NUP153: variants seen among roughly 807,000 people sequenced by gnomAD.
NUP153 encodes nuclear pore complex protein Nup153.
NUP153 carries 27 observed loss-of-function variants against 134.6 expected under a neutral mutation model. The ratio of observed to expected loss-of-function variants is 0.20; its 90% CI spans 0.15 to 0.28. The LOEUF is 0.28. NUP153 is among the 10% of genes least tolerant of loss of function. The pLI is 1.00. For missense variants in NUP153, 1,821 were observed against 1,731.3 expected (o/e 1.05, Z -0.92); for synonymous variants, 640 against 623.5 (o/e 1.03, Z -0.40).
At chr6:17,682,800 C>T (rs71556131) in intron 2 of NUP153, among the ~76,000 whole-genome samples, 10,948 of 151,992 alleles carry the variant, frequency 0.072, 485 homozygotes, top group Admixed American at 0.11. Context: ...TGCCTGTAGT[C>T]CCAGCTACTC....
intron 20 of NUP153, among the ~76,000 whole-genome samples, chr6:17,617,441 T>C (rs1328760948): frequency 7.5e-6 from 1 of 133,116 alleles, no homozygotes; most frequent in Admixed American, 8.7e-5. Flanking sequence ...CAGATACCTA[T>C]GGAAGTGAGG....
At chr6:17,653,440 CTAAA>C (rs916315097) in intron 11 of NUP153, among the ~76,000 whole-genome samples, 4 of 152,086 alleles carry the variant, frequency 2.6e-5, no homozygotes, top group Admixed American at 2.0e-4. Flanking sequence ...AGGATACAAA[CTAAA>C]TAAAATGTTC....
chr6:17,662,260 T>G (rs1411865858), intron 9 of NUP153, among the ~76,000 whole-genome samples, 190 bp from the exon 10 acceptor site: 2 of 152,166 alleles, frequency 1.3e-5, no homozygotes, highest in African/African-American at 4.8e-5. Flanking sequence ...ATTATATATA[T>G]GAAAAATGTC....
Position 17,700,462 on chromosome 6 carries a change from C to T in NUP153, c.111+5815G>A, listed in dbSNP as rs190837880. ...CAACTATCCTATCAACTATCCAATC[C>T]TATCAATGTTTCCATTTCTATTCCC... On this transcript the variant is annotated intron_variant, in intron 1 of 21. Transcript: ENST00000262077. 2.5e-3 allele frequency among the ~76,000 whole-genome samples: 382 copies of T among 152,326 alleles called. 4 individuals carry two copies. The highest frequency in any genetic ancestry group is 8.4e-3 in the African/African-American group (350 of 41,574).
chr6:17,640,435 C>A (rs1197795038), intron 14 of NUP153, among the ~76,000 whole-genome samples: 1 of 151,906 alleles, frequency 6.6e-6, no homozygotes, highest in East Asian at 1.9e-4. Flanking sequence ...CAAAACTAAT[C>A]AAAAAAAGTA....
intron 2 of NUP153, among the ~76,000 whole-genome samples, chr6:17,678,351 T>TC (rs1561898337): frequency 4.9e-5 from 2 of 40,734 alleles, no homozygotes; most frequent in African/African-American, 1.9e-4. Context: ...ACCCTCTGTC[T>TC]CAAAAAAAAA....
chr6:17,669,885 A>C (rs1767788097), intron 5 of NUP153, among the ~76,000 whole-genome samples: 2 of 152,018 alleles, frequency 1.3e-5, no homozygotes, highest in Non-Finnish European at 2.9e-5. Context: ...GCCTGAGCTC[A>C]GGAGTTCAAG....
intron 1 of NUP153, among the ~76,000 whole-genome samples, chr6:17,702,544 C>T (rs921230257): frequency 8.0e-5 from 12 of 149,868 alleles, no homozygotes; most frequent in Admixed American, 2.0e-4. Context: ...TTTGTGGTGG[C>T]GCATGCCTGT....
At chr6:17,619,217 A>G (rs556327681) in intron 20 of NUP153, among the ~76,000 whole-genome samples, 2 of 152,226 alleles carry the variant, frequency 1.3e-5, no homozygotes, top group African/African-American at 4.8e-5. Flanking sequence ...AATTATAAAA[A>G]TGATTTCCAA....
chr6:17,700,641 T>C (rs1190166905), intron 1 of NUP153, among the ~76,000 whole-genome samples: 1 of 152,220 alleles, frequency 6.6e-6, no homozygotes, highest in Non-Finnish European at 1.5e-5. Context: ...AGGCAGGACA[T>C]ACTTATTTGG....
Position 17,697,531 on chromosome 6 carries a change from G to C in NUP153, c.111+8746C>G, listed in dbSNP as rs569065052. Among the ~76,000 whole-genome samples, 36 of 152,198 alleles carry C rather than the reference G, an allele frequency of 2.4e-4. 1 individual carries two copies. The South Asian group carries it at 7.5e-3, about 32-fold the overall frequency. On this transcript the variant is annotated intron_variant, in intron 1 of 21. Coordinates refer to ENST00000262077, the MANE Select transcript of NUP153 (RefSeq NM_005124.4). ...CGAAACCCTGTCTCCATTAAAAAATGCAAAAATTAGCCAGGCGTGGTGGCA... is the reference window on the plus strand; with the variant it reads ...CGAAACCCTGTCTCCATTAAAAAATCCAAAAATTAGCCAGGCGTGGTGGCA...
At chr6:17,627,163 G>A (rs899604433) in intron 18 of NUP153, among the ~76,000 whole-genome samples, 2 of 152,206 alleles carry the variant, frequency 1.3e-5, no homozygotes, top group East Asian at 1.9e-4. Context: ...AATGGAACAT[G>A]TTGGCTTACT....
At chr6:17,671,480 T>A (rs757415221) in intron 5 of NUP153, among the ~76,000 whole-genome samples, 1 of 152,204 alleles carries the variant, frequency 6.6e-6, no homozygotes, top group Non-Finnish European at 1.5e-5. Flanking sequence ...CTCAATTCAC[T>A]GAAAAGATAA....
rs529999119 is a variant in NUP153, at chr6:17,646,225, C to T, written c.1633-71G>A. The T allele has an allele frequency of 2.2e-3, 1,744 of 778,354 alleles. 19 individuals are homozygous for T. Among genetic ancestry groups the T allele is most frequent in the Middle Eastern group, 9.3e-3 (26 of 2,808 alleles). The allele number at this position is 778,354 out of a possible 1,614,324, so 48.2% of individuals were successfully genotyped here. A position where few individuals can be genotyped will look rare whatever the true frequency, so the allele number is the denominator to read the frequency against. On this transcript the variant is annotated intron_variant, in intron 13 of 21. Transcript: ENST00000262077. ...CAAATATAGAGCTTTTTTATTCCCC[C>T]GAGACGGAGTCTTACTCTGTCGCCC... is the stretch of plus-strand genomic sequence containing the variant.
At chr6:17,646,024 A>G (rs1431020496) in intron 14 of NUP153, 43 bp downstream of exon 14, 1 of 824,762 alleles carries the variant, frequency 1.2e-6, no homozygotes, top group Non-Finnish European at 2.0e-6. Context: ...AATCTACTGT[A>G]TGCAATTGTT....
chr6:17,618,091 C>T (rs543812431), intron 20 of NUP153, among the ~76,000 whole-genome samples: 3 of 152,264 alleles, frequency 2.0e-5, no homozygotes, highest in African/African-American at 7.2e-5. Flanking sequence ...TTCTCTGATA[C>T]CCTCCATGCA....
At chr6:17,672,171 C>A (rs1005885390) in intron 5 of NUP153, among the ~76,000 whole-genome samples, 4 of 150,936 alleles carry the variant, frequency 2.7e-5, no homozygotes, top group Non-Finnish European at 4.4e-5. Flanking sequence ...TACCGGGAAG[C>A]CTATGGCAAT....
chr6:17,706,363 C>G lies in NUP153; in HGVS notation c.25G>C (p.Gly9Arg), dbSNP rs763756223. The G allele has an allele frequency of 4.3e-6, 7 of 1,612,822 alleles. No individual in the cohort carries two copies. The South Asian group carries it at 6.6e-5, about 15-fold the overall frequency. Reference sequence around the variant, plus strand: ...CGGATCTTGCCGCCACCGCCCCCTCCGACTCCTCCGGCTCCCGAGGCCATG... The same window carrying G: ...CGGATCTTGCCGCCACCGCCCCCTCGGACTCCTCCGGCTCCCGAGGCCATG... MASGAGGVGGGGGGKIRTR... is the reference protein window; with the variant it reads MASGAGGVRGGGGGKIRTR... The change falls in exon 1 of 22, where the codon GGA becomes CGA. Residue 9 changes from glycine (G) to arginine (R), a missense_variant. Gly to Arg is a moderately radical substitution (Grantham distance 125). Transcript: ENST00000262077. The surrounding 1 kb of genome is among the most constrained non-coding windows in gnomAD (Gnocchi z 5.9).
chr6:17,621,660 T>C (rs1764646893), intron 20 of NUP153, among the ~76,000 whole-genome samples: 1 of 152,186 alleles, frequency 6.6e-6, no homozygotes, highest in Non-Finnish European at 1.5e-5. Context: ...GTTGATCTCA[T>C]AAAGGTAGAG....
Sources: allele counts gnomAD v4.1 joint callset (sites outside exome capture counted in the v4.1 genomes callset), GRCh38; gene constraint gnomAD v4.1.1; non-coding constraint Gnocchi (gnomAD v3.1); transcripts MANE v1.5; gene names NCBI Gene and HGNC (gene_info 2026-07-23, HGNC 2026-07-21).